ERC1: variants seen among roughly 807,000 people sequenced by gnomAD.
ERC1 encodes the protein RAB6 interacting protein 2.
ERC1 carries 56 observed loss-of-function variants against 132.0 expected under a neutral mutation model. The ratio of observed to expected loss-of-function variants is 0.42; its 90% CI spans 0.34 to 0.53. The LOEUF (loss-of-function observed/expected upper bound fraction) is 0.53, where lower values mean the gene tolerates loss of function less well. ERC1 is among the 20% of genes least tolerant of loss of function. ERC1 has a pLI of 0.03. For missense variants in ERC1, 1,202 were observed against 1,349.9 expected (o/e 0.89, Z 1.72); for synonymous variants, 478 against 476.1 (o/e 1.00, Z -0.05).
chr12:1,076,208 A>G (rs1197136353), intron 2 of ERC1, among the ~76,000 whole-genome samples: 5 of 152,152 alleles, frequency 3.3e-5, no homozygotes, highest in African/African-American at 1.2e-4. Flanking sequence ...TTCGTATAGT[A>G]CAACTATGAA....
chr12:1,037,664 A>G (rs1408467885), intron 2 of ERC1, among the ~76,000 whole-genome samples: 1 of 152,150 alleles, frequency 6.6e-6, no homozygotes, highest in African/African-American at 2.4e-5. Flanking sequence ...CTTTGTTAGT[A>G]TTGTTTTTGG....
At chr12:1,283,895 T>G (rs2078862410) in intron 14 of ERC1, among the ~76,000 whole-genome samples, 1 of 152,232 alleles carries the variant, frequency 6.6e-6, no homozygotes, top group African/African-American at 2.4e-5. Context: ...CTAACATCTA[T>G]TATTTCCTTG....
In ERC1 at chr12:1,440,422, G is replaced by T. The variant is rs376905417; in HGVS notation, c.3025-4140G>T. Among the ~76,000 whole-genome samples the T allele has an allele frequency of 2.0e-5, 3 of 150,046 alleles. No individual in the cohort carries two copies. The East Asian group carries it at 5.9e-4, about 29-fold the overall frequency. ...GGGGTTTCACCGTGTTAGCCAGGAT[G>T]GTCTCGATCTCCTGACCTCGTGATC... On this transcript the variant is annotated intron_variant, in intron 17 of 18. Transcript: ENST00000360905.
chr12:1,267,032 A>T (rs898684944), intron 14 of ERC1, among the ~76,000 whole-genome samples: 3 of 152,244 alleles, frequency 2.0e-5, no homozygotes, highest in African/African-American at 7.2e-5. Flanking sequence ...ATAAGAAAAC[A>T]TCTCTTGATG....
chr12:1,222,634 CTCT>C (rs1365424408), intron 12 of ERC1, among the ~76,000 whole-genome samples: 1 of 152,168 alleles, frequency 6.6e-6, no homozygotes, highest in African/African-American at 2.4e-5. Flanking sequence ...GCTTAAGCTT[CTCT>C]TCTTGAGTGA....
intron 1 of ERC1, among the ~76,000 whole-genome samples, chr12:1,025,000 T>G: frequency 6.6e-6 from 1 of 152,216 alleles, no homozygotes; most frequent in Non-Finnish European, 1.5e-5. Context: ...TGCTGGAGGA[T>G]ATCCATAGGT....
At chr12:1,105,865 A>G (rs1431444600) in intron 4 of ERC1, among the ~76,000 whole-genome samples, 2 of 152,306 alleles carry the variant, frequency 1.3e-5, no homozygotes, top group East Asian at 1.9e-4. Context: ...ATTGCTGTAT[A>G]TCTTTAGTGC....
chr12:1,058,987 T>A (rs1973526532), intron 2 of ERC1, among the ~76,000 whole-genome samples: 1 of 151,786 alleles, frequency 6.6e-6, no homozygotes, highest in African/African-American at 2.4e-5. Context: ...GTCTTTCCAA[T>A]TTTTTTTGTG....
At position 1,180,551 on chromosome 12, in the gene ERC1, T is replaced by G; in HGVS notation, c.1749T>G (p.Leu583=). 6.2e-7 allele frequency: 1 copy of G among 1,613,998 alleles called. No individual in the cohort carries two copies. Among genetic ancestry groups the G allele is most frequent in the Middle Eastern group, 1.6e-4 (1 of 6,062 alleles). ...TTATGTACATTTAGATTGAAAATCT[T>G]CAAGAGCAGCTTAGAGACAAGGAAA... is the stretch of plus-strand genomic sequence containing the variant. ...VNVLQKKIEN[L]QEQLRDKEKQ... Residue 583 remains leucine, a synonymous_variant, in exon 9 of 19, where the codon CTT becomes CTG. Transcript: ENST00000360905.
rs1430247329 is a variant in ERC1 at position 1,488,155 on chromosome 12, A to AG, written c.3214-1938_3214-1937insG. On this transcript the variant is annotated intron_variant, in intron 18 of 18. Transcript: ENST00000360905. The stretch of plus-strand genomic sequence containing the variant: ...TCACGTCTCAGAAAAAAAAAAAAAA[A>AG]AAAAAAAGATAGATGGGGTCTCACT... Among the ~76,000 whole-genome samples the AG allele has an allele frequency of 9.5e-3, 1,443 of 151,370 alleles. 20 individuals are homozygous for AG. The highest frequency in any genetic ancestry group is 0.031 in the African/African-American group (1,293 of 41,156).
chr12:1,025,797 T>G (rs564979724), intron 1 of ERC1, among the ~76,000 whole-genome samples: 5 of 148,114 alleles, frequency 3.4e-5, no homozygotes, highest in South Asian at 4.3e-4. Flanking sequence ...AAGGAAAGTT[T>G]TTTTTTTTTT....
intron 13 of ERC1, among the ~76,000 whole-genome samples, chr12:1,242,291 A>G (rs1478392080): frequency 1.3e-5 from 2 of 152,154 alleles, no homozygotes; most frequent in African/African-American, 4.8e-5. Flanking sequence ...GTTAAATTAT[A>G]CTAATAACTT....
chr12:1,007,964 A>G (rs1964014973), intron 1 of ERC1, among the ~76,000 whole-genome samples: 1 of 152,170 alleles, frequency 6.6e-6, no homozygotes, highest in South Asian at 2.1e-4. Context: ...CAGAAGGTTC[A>G]GTGGGACAGC....
At chr12:1,487,539 T>TAAAAAAAAAAAAAA (rs77723832) in intron 18 of ERC1, among the ~76,000 whole-genome samples, 13 of 130,894 alleles carry the variant, frequency 9.9e-5, no homozygotes, top group South Asian at 5.0e-4. Context: ...ACCGCACCTC[T>TAAAAAAAAAAAAAA]AAAAAAGAAA....
At chr12:1,379,960 G>C (rs140412898) in intron 16 of ERC1, 1 of 152,110 alleles carries the variant, frequency 6.6e-6, no homozygotes, top group Non-Finnish European at 1.5e-5. Flanking sequence ...AAACAAATTT[G>C]GTATGTCCAT....
At chr12:1,186,851 G>A (rs1003014781) in intron 11 of ERC1, among the ~76,000 whole-genome samples, 3 of 152,002 alleles carry the variant, frequency 2.0e-5, no homozygotes, top group Non-Finnish European at 4.4e-5. Context: ...ATTTTTTTGT[G>A]ACAGAGTCTC....
rs1298454873 is a variant in ERC1 at position 1,183,405 on chromosome 12, A to C, written c.2141A>C (p.Glu714Ala). The C allele has an allele frequency of 1.6e-5, 25 of 1,571,812 alleles. No homozygotes were observed. The highest frequency in any genetic ancestry group is 2.1e-5 in the Non-Finnish European group (24 of 1,153,186). Residue 714 changes from glutamate (E) to alanine (A), a missense_variant, in exon 11 of 19, where the codon GAA (glutamate) becomes GCA (alanine). By Grantham distance (107) the Glu-to-Ala change is moderately radical. Coordinates refer to ENST00000360905, the MANE Select transcript of ERC1 (RefSeq NM_178040.4). ...EQKKEECLKM[E>A]SQLKKAHEAA... ...AAGAAGGAGGAGTGTCTGAAAATGG[A>C]ATCACAATTGAAAAAGGTTAAAGAA...
intron 8 of ERC1, among the ~76,000 whole-genome samples, chr12:1,143,340 G>A (rs1402670023): frequency 7.7e-5 from 9 of 116,140 alleles, no homozygotes. Context: ...GTGTGTGTGT[G>A]TGTGTGTGTG....
At position 1,420,933 on chromosome 12, in the gene ERC1, G is replaced by C. The variant is rs915094351; in HGVS notation, c.3024+12686G>C. ...TGGTTTTGGTTTGGGGGGGGGGGGGGTTAATTATAAAGCATTCTATTATTG... is the reference window on the plus strand; with the variant it reads ...TGGTTTTGGTTTGGGGGGGGGGGGGCTTAATTATAAAGCATTCTATTATTG... On this transcript the variant is annotated intron_variant, in intron 17 of 18. Coordinates refer to ENST00000360905, the MANE Select transcript of ERC1 (RefSeq NM_178040.4). Among the ~76,000 whole-genome samples, 3 of 89,998 alleles carry C rather than the reference G, an allele frequency of 3.3e-5. No individual in the cohort carries two copies. The East Asian group carries it at 1.2e-3, about 35-fold the overall frequency. The allele number at this position is 89,998 out of a possible 152,430, so 59.0% of individuals were successfully genotyped here.
Sources: allele counts gnomAD v4.1 joint callset (sites outside exome capture counted in the v4.1 genomes callset), GRCh38; gene constraint gnomAD v4.1.1; transcripts MANE v1.5; gene names NCBI Gene and HGNC (gene_info 2026-07-23, HGNC 2026-07-21).